Variants in PDK4 observed in about 807,000 individuals in gnomAD.
PDK4 encodes the protein pyruvate dehydrogenase kinase 4.
PDK4 carries 43 observed loss-of-function variants against 51.7 expected under a neutral mutation model. The observed-to-expected ratio is 0.83, with a 90% CI of 0.65 to 1.07. The LOEUF is 1.07. PDK4 is among the 50% of genes least tolerant of loss of function. The probability of loss-of-function intolerance (pLI) is 0.00; values close to 1 mark genes in which losing one functional copy is unlikely to be tolerated. For missense variants in PDK4, 498 were observed against 503.5 expected, an observed-to-expected ratio of 0.99 and a Z score of 0.10; for synonymous variants, 170 against 176.6, an observed-to-expected ratio of 0.96 and a Z score of 0.30.
rs1259103836 is a variant in PDK4 at position 95,584,942 on chromosome 7, T to A, written c.*699A>T. On this transcript the variant is annotated 3_prime_UTR_variant, in exon 11 of 11. Coordinates refer to ENST00000005178, the MANE Select transcript of PDK4 (RefSeq NM_002612.4). ...ATAAGTGTTTACTTAGTGTGTAAAG[T>A]GAACAAGAAAAGCAGCATAATAAAG... 1 of 152,636 alleles carries A rather than the reference T, an allele frequency of 6.6e-6. No individual in the cohort carries two copies. Among genetic ancestry groups the A allele is most frequent in the Non-Finnish European group, 1.5e-5 (1 of 68,030 alleles). 9.5% of individuals were successfully genotyped at this position (152,636 alleles called of 1,614,324 possible). A position where few individuals can be genotyped will look rare whatever the true frequency, so the allele number is the denominator to read the frequency against.
chr7:95,587,175 AC>A lies in PDK4; in HGVS notation c.982-53del, dbSNP rs1562836509. The A allele has an allele frequency of 2.8e-6, 3 of 1,075,186 alleles. No homozygotes were observed. The Admixed American group carries it at 5.4e-5, about 19-fold the overall frequency. 66.6% of individuals were successfully genotyped at this position (1,075,186 alleles called of 1,614,324 possible). Reference sequence around the variant, plus strand: ...AAGAAGTGTATGTGATCACTGAAATACAAACAAGCAGGAAATTACTGTCCTC... The same window carrying A: ...AAGAAGTGTATGTGATCACTGAAATAAAACAAGCAGGAAATTACTGTCCTC... On this transcript the variant is annotated intron_variant, in intron 9 of 10. Transcript: ENST00000005178.
At position 95,592,021 on chromosome 7, in the gene PDK4, A is replaced by G. The variant is rs1791558327; in HGVS notation, c.661T>C (p.Ser221Pro). ...TGTGTAAGCTTTAATTCTGGAGATGATAAATAATACTGATCACAGAGCATC... is the reference window on the plus strand; with the variant it reads ...TGTGTAAGCTTTAATTCTGGAGATGGTAAATAATACTGATCACAGAGCATC... ...SRMLCDQYYL[S>P]SPELKLTQVN... The change falls in exon 6 of 11, where the codon TCA becomes CCA. Residue 221 changes from serine (S) to proline (P), a missense_variant. Transcript: ENST00000005178. The G allele has an allele frequency of 6.3e-7, 1 of 1,577,926 alleles. No individual in the cohort carries two copies. Among genetic ancestry groups the G allele is most frequent in the African/African-American group, 1.4e-5 (1 of 73,160 alleles).
Position 95,587,408 on chromosome 7 carries a change from T to C in PDK4, c.981+10A>G. 2 of 1,483,704 alleles carry C rather than the reference T, an allele frequency of 1.3e-6. No homozygotes were observed. The highest frequency in any genetic ancestry group is 4.5e-5 in the East Asian group (2 of 44,328). 91.9% of individuals were successfully genotyped at this position (1,483,704 alleles called of 1,614,324 possible). ...GGCTGAGATTAATTTAGCCATATAA[T>C]TGTTCTTACCAAAGGAGCATTCCGG... On this transcript the variant is annotated intron_variant, in intron 9 of 10. Coordinates refer to ENST00000005178, the MANE Select transcript of PDK4 (RefSeq NM_002612.4).
intron 7 of PDK4, among the ~76,000 whole-genome samples, chr7:95,589,166 T>C (rs117513246): frequency 0.017 from 2,525 of 152,286 alleles, 32 homozygotes; most frequent in Non-Finnish European, 0.027. Context: ...AAGTAGATGA[T>C]TGAAGGAACT....
chr7:95,590,667 T>A (rs112889246), intron 6 of PDK4, among the ~76,000 whole-genome samples: 39 of 152,224 alleles, frequency 2.6e-4, no homozygotes, highest in African/African-American at 9.2e-4. Context: ...CATTTGCTTG[T>A]CCCTAATCTG....
intron 6 of PDK4, among the ~76,000 whole-genome samples, chr7:95,590,853 G>C (rs184302356): frequency 6.6e-6 from 1 of 152,194 alleles, no homozygotes; most frequent in Non-Finnish European, 1.5e-5. Context: ...ATGGGAAGGG[G>C]TGAAAATAGT....
At chr7:95,595,941 A>G (rs1279257396) in intron 1 of PDK4, among the ~76,000 whole-genome samples, 1 of 152,098 alleles carries the variant, frequency 6.6e-6, no homozygotes, top group African/African-American at 2.4e-5. Context: ...CAAACCATCC[A>G]GCGTCGGCAG....
intron 7 of PDK4, 49 bp downstream of exon 7, chr7:95,589,591 G>T: frequency 1.1e-6 from 1 of 943,582 alleles, no homozygotes; most frequent in Non-Finnish European, 1.7e-6. Flanking sequence ...AAATATAACT[G>T]TTAAACCTTT....
intron 5 of PDK4, 93 bp downstream of exon 5, chr7:95,592,396 AATAAATGGAACACTCTGTGAAT>A (rs1332375489): frequency 1.4e-6 from 1 of 703,388 alleles, no homozygotes; most frequent in Non-Finnish European, 2.5e-6. Context: ...ACATTTATAA[AATAAATGGAACACTCTGTGAAT>A]ATAAATTCAT....
At position 95,590,158 on chromosome 7, in the gene PDK4, T is replaced by C. The variant is rs535706328; in HGVS notation, c.695-442A>G. ...AATTAGATTTTGTGGATTATTTCTA[T>C]TTTCAACATTTTTGTACTGCACAAT... is the stretch of plus-strand genomic sequence containing the variant. On this transcript the variant is annotated intron_variant, in intron 6 of 10. Transcript: ENST00000005178. Among the ~76,000 whole-genome samples the C allele has an allele frequency of 2.6e-5, 4 of 152,342 alleles. No individual in the cohort carries two copies. The South Asian group carries it at 8.3e-4, about 32-fold the overall frequency.
At chr7:95,589,554 T>G in intron 7 of PDK4, 86 bp downstream of exon 7, 1 of 705,808 alleles carries the variant, frequency 1.4e-6, no homozygotes. Context: ...GAGGCTTCTG[T>G]TTTGTGGCGA....
At chr7:95,588,324 A>G (rs1791512494) in intron 7 of PDK4, among the ~76,000 whole-genome samples, 1 of 152,252 alleles carries the variant, frequency 6.6e-6, no homozygotes, top group Non-Finnish European at 1.5e-5. Flanking sequence ...GCATTTGATT[A>G]TCATCTAACT....
At chr7:95,594,863 A>T (rs575856766) in intron 2 of PDK4, 160 bp downstream of exon 2, 1 of 429,338 alleles carries the variant, frequency 2.3e-6, no homozygotes, top group Non-Finnish European at 4.1e-6. Flanking sequence ...AACTTCTCTA[A>T]TGATAACTTA....
chr7:95,593,757 G>T lies in PDK4; in HGVS notation c.286C>A (p.Leu96Met). ...QLVKSWYIQS[L>M]MDLVEFHEKS... ...TCATGGAATTCCACCAAATCCATCA[G>T]GCTCTGTATATACCTGTAAAGAAAC... Residue 96 changes from leucine (L) to methionine (M), a missense_variant, in exon 3 of 11, where the codon CTG (leucine) becomes ATG (methionine). Physicochemically the swap from Leu to Met is conservative, Grantham distance 15 (BLOSUM62 2). Transcript: ENST00000005178. The T allele has an allele frequency of 6.5e-7, 1 of 1,544,384 alleles. No individual in the cohort carries two copies.
chr7:95,595,886 T>G (rs1354331674), intron 1 of PDK4, among the ~76,000 whole-genome samples: 1 of 152,142 alleles, frequency 6.6e-6, no homozygotes, highest in Non-Finnish European at 1.5e-5. Flanking sequence ...CAAAAAGTAT[T>G]TTGACTGGAA....
chr7:95,585,613 TC>T lies in PDK4; in HGVS notation c.*27del, dbSNP rs1255242307. The T allele has an allele frequency of 3.2e-6, 5 of 1,579,934 alleles. No homozygotes were observed. Among genetic ancestry groups the T allele is most frequent in the Admixed American group, 1.7e-5 (1 of 59,114 alleles). ...CAGCACTGGTGTAGACCCACTTTGA[TC>T]CCGTAAAGTGTCCTGAGTGTCCCTC... On this transcript the variant is annotated 3_prime_UTR_variant, in exon 11 of 11. Transcript: ENST00000005178.
chr7:95,592,579 G>A lies in PDK4; in HGVS notation c.548C>T (p.Ser183Leu). ...MNQHILIFSD[S>L]QTGNPSHIGS... Reference sequence around the variant, plus strand: ...AATGTGGCTTGGGTTTCCTGTCTGTGAGTCACTAAATATAAGAACTGTTGA... The same window carrying A: ...AATGTGGCTTGGGTTTCCTGTCTGTAAGTCACTAAATATAAGAACTGTTGA... The change falls in exon 5 of 11, where the codon TCA (serine) becomes TTA (leucine). Residue 183 changes from serine (S) to leucine (L), a missense_variant. Coordinates refer to ENST00000005178, the MANE Select transcript of PDK4 (RefSeq NM_002612.4). 1 of 1,606,426 alleles carries A rather than the reference G, an allele frequency of 6.2e-7. No homozygotes were observed. The highest frequency in any genetic ancestry group is 8.5e-7 in the Non-Finnish European group (1 of 1,173,248).
chr7:95,589,711 A>G lies in PDK4; in HGVS notation c.700T>C (p.Phe234Leu), dbSNP rs779904666. Residue 234 changes from phenylalanine to leucine, a missense_variant, in exon 7 of 11, where the codon TTT (phenylalanine) becomes CTT (leucine). Coordinates refer to ENST00000005178, the MANE Select transcript of PDK4 (RefSeq NM_002612.4). ...ELKLTQVNGK[F>L]PDQPIHIVYV... is the part of the protein sequence containing the mutation. ...ACGATGTGAATTGGTTGGTCTGGAAATTTTCCTAGAAAAATAAAATTCATT... is the reference window on the plus strand; with the variant it reads ...ACGATGTGAATTGGTTGGTCTGGAAGTTTTCCTAGAAAAATAAAATTCATT... 1 of 1,549,152 alleles carries G rather than the reference A, an allele frequency of 6.5e-7. No individual in the cohort carries two copies. The highest frequency in any genetic ancestry group is 1.4e-5 in the African/African-American group (1 of 73,564).
Position 95,592,571 on chromosome 7 carries a change from CTGTCTG to C in PDK4, c.550_555del (p.Gln184_Thr185del). On this transcript the variant is annotated inframe_deletion, in exon 5 of 11. Transcript: ENST00000005178. ...ATGCTTCCAATGTGGCTTGGGTTTC[CTGTCTG>C]TGAGTCACTAAATATAAGAACTGTT... 2 of 1,609,766 alleles carry C rather than the reference CTGTCTG, an allele frequency of 1.2e-6. No homozygotes were observed. Among genetic ancestry groups the C allele is most frequent in the South Asian group, 2.2e-5 (2 of 90,972 alleles).
Sources: allele counts gnomAD v4.1 joint callset (sites outside exome capture counted in the v4.1 genomes callset), GRCh38; gene constraint gnomAD v4.1.1; transcripts MANE v1.5; gene names NCBI Gene and HGNC (gene_info 2026-07-23, HGNC 2026-07-21).